The following GPSM2 variants were observed in gnomAD, a reference collection of about 807,000 sequenced individuals.
GPSM2 encodes G protein-signaling modulator 2.
GPSM2 carries 58 observed loss-of-function variants against 78.4 expected under a neutral mutation model. The ratio of observed to expected loss-of-function variants is 0.74; its 90% CI spans 0.60 to 0.92. GPSM2 has a LOEUF of 0.92. GPSM2 is among the 40% of genes least tolerant of loss of function. The pLI is 0.00. For missense variants in GPSM2, 700 were observed against 815.5 expected, an observed-to-expected ratio of 0.86 and a Z score of 1.73; for synonymous variants, 224 against 280.2, an observed-to-expected ratio of 0.80 and a Z score of 2.00.
chr1:108,928,441 G>A (rs1193502352), intron 14 of GPSM2, among the ~76,000 whole-genome samples: 1 of 152,238 alleles, frequency 6.6e-6, no homozygotes, highest in African/African-American at 2.4e-5. Context: ...AGAAATGAAT[G>A]AGCCAGGTAT....
intron 12 of GPSM2, among the ~76,000 whole-genome samples, chr1:108,921,204 G>A (rs1445553717): frequency 6.6e-6 from 1 of 152,134 alleles, no homozygotes; most frequent in African/African-American, 2.4e-5. Flanking sequence ...CAGGTCACCT[G>A]AGGTCAGGAG....
chr1:108,912,273 T>TGC (rs1649810118), intron 10 of GPSM2, among the ~76,000 whole-genome samples: 1 of 152,154 alleles, frequency 6.6e-6, no homozygotes, highest in Admixed American at 6.5e-5. Context: ...ATATGAAAAG[T>TGC]GCTTTCTTTA....
chr1:108,923,944 TTTG>T, intron 13 of GPSM2, 53 bp from the exon 14 acceptor site: 2 of 1,038,092 alleles, frequency 1.9e-6, no homozygotes, highest in Non-Finnish European at 2.9e-6. Context: ...CCTAGGTTTT[TTTG>T]TTTTTTGTTT....
intron 7 of GPSM2, 51 bp downstream of exon 7, chr1:108,899,045 T>A: frequency 2.8e-6 from 3 of 1,069,586 alleles, no homozygotes; most frequent in African/African-American, 1.6e-5. Flanking sequence ...TCAGTCCCAT[T>A]AATTCATAGG....
chr1:108,894,859 T>C (rs1007570986), intron 2 of GPSM2, among the ~76,000 whole-genome samples: 1 of 152,208 alleles, frequency 6.6e-6, no homozygotes, highest in Non-Finnish European at 1.5e-5. Flanking sequence ...ACCTTTACAA[T>C]TGGCTCAGTT....
intron 9 of GPSM2, among the ~76,000 whole-genome samples, chr1:108,903,649 GAAT>G (rs1344254831): frequency 3.3e-5 from 5 of 152,078 alleles, no homozygotes; most frequent in Admixed American, 6.6e-5. Flanking sequence ...TGCATAATGG[GAAT>G]AATAATATCT....
intron 12 of GPSM2, among the ~76,000 whole-genome samples, 191 bp downstream of exon 12, chr1:108,918,980 T>C (rs1175135771): frequency 6.6e-6 from 1 of 152,152 alleles, no homozygotes; most frequent in Non-Finnish European, 1.5e-5. Flanking sequence ...GATAAGTTGC[T>C]TCCTTGTATT....
rs1652225478 is a variant in GPSM2 at position 108,932,768 on chromosome 1, G to A, written c.*2828G>A. ...TTCACAAATTTATTCTAAACTGCAG[G>A]TGTCTGTCAGGATTCATTTGTTAAA... On this transcript the variant is annotated 3_prime_UTR_variant, in exon 15 of 15. Coordinates refer to ENST00000264126, the MANE Select transcript of GPSM2 (RefSeq NM_013296.5). 1.3e-5 allele frequency: 2 copies of A among 152,168 alleles called. No individual in the cohort carries two copies. Among genetic ancestry groups the A allele is most frequent in the African/African-American group, 2.4e-5 (1 of 41,432 alleles). The allele number at this position is 152,168 out of a possible 1,614,324, so 9.4% of individuals were successfully genotyped here. A position where few individuals can be genotyped will look rare whatever the true frequency, so the allele number is the denominator to read the frequency against.
chr1:108,901,851 A>T lies in GPSM2; in HGVS notation c.859A>T (p.Ser287Cys). ...AGCTGTAGAAGCACAGTCTTGTTAC[A>T]GTCTTGGAAATACATATACTTTACT... Reference protein sequence around the residue: ...DRAVEAQSCYSLGNTYTLLQD... With the variant: ...DRAVEAQSCYCLGNTYTLLQD... Residue 287 changes from serine (S) to cysteine (C), a missense_variant, in exon 8 of 15, where the codon AGT (serine) becomes TGT (cysteine). Transcript: ENST00000264126. 1.2e-6 allele frequency: 2 copies of T among 1,612,050 alleles called. No individual in the cohort carries two copies. The highest frequency in any genetic ancestry group is 1.7e-6 in the Non-Finnish European group (2 of 1,178,090).
chr1:108,877,986 A>C (rs1665715695), intron 1 of GPSM2, among the ~76,000 whole-genome samples: 1 of 152,178 alleles, frequency 6.6e-6, no homozygotes, highest in African/African-American at 2.4e-5. Context: ...TAAACGAAGT[A>C]GGTTCTTGGC....
intron 9 of GPSM2, among the ~76,000 whole-genome samples, chr1:108,903,772 T>C (rs1017056520): frequency 2.0e-5 from 3 of 152,176 alleles, no homozygotes; most frequent in African/African-American, 7.2e-5. Context: ...AATAAAATAT[T>C]CTAAGAAAAT....
At chr1:108,892,102 AAAG>A (rs1485653913) in intron 2 of GPSM2, among the ~76,000 whole-genome samples, 10 of 152,232 alleles carry the variant, frequency 6.6e-5, no homozygotes, top group African/African-American at 1.7e-4. Flanking sequence ...AGGATTTATG[AAAG>A]AAGATCACAC....
Position 108,933,795 on chromosome 1 carries a change from T to C in GPSM2, c.*3855T>C, listed in dbSNP as rs77613594. On this transcript the variant is annotated 3_prime_UTR_variant, in exon 15 of 15. Coordinates refer to ENST00000264126, the MANE Select transcript of GPSM2 (RefSeq NM_013296.5). ...TCTGCAGTTAAGGAAGACACCCAAC[T>C]CTCTTCTTCCTCATCATGGTATTCT... The C allele has an allele frequency of 6.6e-6, 1 of 152,154 alleles. No individual in the cohort carries two copies. Among genetic ancestry groups the C allele is most frequent in the African/African-American group, 2.4e-5 (1 of 41,552 alleles). 9.4% of individuals were successfully genotyped at this position (152,154 alleles called of 1,614,324 possible). A position where few individuals can be genotyped will look rare whatever the true frequency, so the allele number is the denominator to read the frequency against.
intron 10 of GPSM2, among the ~76,000 whole-genome samples, chr1:108,907,045 C>T (rs1377994598): frequency 1.3e-5 from 2 of 152,172 alleles, no homozygotes; most frequent in Non-Finnish European, 2.9e-5. Flanking sequence ...TCAGTCCTCA[C>T]CATGGTTGAA....
chr1:108,913,550 A>G (rs984900199), intron 10 of GPSM2, among the ~76,000 whole-genome samples: 3 of 152,242 alleles, frequency 2.0e-5, no homozygotes, highest in Admixed American at 6.5e-5. Context: ...TTCAAAACCA[A>G]TATAGCTCTA....
chr1:108,908,821 A>G (rs1167305261), intron 10 of GPSM2, among the ~76,000 whole-genome samples: 1 of 151,292 alleles, frequency 6.6e-6, no homozygotes, highest in Admixed American at 6.6e-5. Context: ...TTGGGCACAC[A>G]GGGAGACCGC....
intron 10 of GPSM2, among the ~76,000 whole-genome samples, chr1:108,910,394 T>C (rs768554628): frequency 6.6e-6 from 1 of 152,210 alleles, no homozygotes; most frequent in Non-Finnish European, 1.5e-5. Flanking sequence ...AAAAATTTTA[T>C]AGGCAACTGA....
intron 10 of GPSM2, among the ~76,000 whole-genome samples, chr1:108,908,861 G>A (rs1430452631): frequency 5.4e-5 from 8 of 147,498 alleles, no homozygotes; most frequent in African/African-American, 1.0e-4. Flanking sequence ...TTAATTATCC[G>A]TGCATGGTGG....
chr1:108,927,821 A>T (rs1346626715), intron 14 of GPSM2, among the ~76,000 whole-genome samples: 2 of 152,160 alleles, frequency 1.3e-5, no homozygotes, highest in Middle Eastern at 3.4e-3. Context: ...AAATTTTTTT[A>T]AATTAATGGC....
Sources: allele counts gnomAD v4.1 joint callset (sites outside exome capture counted in the v4.1 genomes callset), GRCh38; gene constraint gnomAD v4.1.1; transcripts MANE v1.5; gene names NCBI Gene and HGNC (gene_info 2026-07-23, HGNC 2026-07-21).